The following SNRPN variants were observed in gnomAD, a reference collection of about 807,000 sequenced individuals.
SNRPN encodes the protein small nuclear ribonucleoprotein polypeptide N, also known as small nuclear ribonucleoprotein-associated protein N.
In SNRPN, 7 loss-of-function variants were observed where a neutral mutation model predicts 25.2. The observed-to-expected ratio is 0.28, with a 90% CI of 0.16 to 0.52. The LOEUF is 0.52. Ranked by LOEUF, SNRPN falls within the 20% of genes least tolerant of loss-of-function variation. The pLI, the probability that SNRPN is intolerant of heterozygous loss-of-function variation, is 0.96. For missense variants in SNRPN, 196 were observed against 322.5 expected (o/e 0.61, Z 3.00); for synonymous variants, 124 against 110.6 (o/e 1.12, Z -0.76).
At chr15:24,945,343 TAAAAAAAAAA>T (rs11422448) in intron 3 of SNRPN, among the ~76,000 whole-genome samples, 2 of 83,748 alleles carry the variant, frequency 2.4e-5, no homozygotes, top group Admixed American at 1.8e-4. Context: ...ACCCACCATG[TAAAAAAAAAA>T]AAAAAAAAAA....
chr15:24,892,445 T>C (rs1398965160), intron 2 of SNRPN, among the ~76,000 whole-genome samples: 1 of 151,026 alleles, frequency 6.6e-6, no homozygotes, highest in Non-Finnish European at 1.5e-5. Context: ...CTGGGGGAGA[T>C]ATTAAATTCC....
At chr15:24,914,317 C>A (rs143112021) in intron 2 of SNRPN, among the ~76,000 whole-genome samples, 3 of 152,174 alleles carry the variant, frequency 2.0e-5, no homozygotes, top group South Asian at 4.2e-4. Context: ...CTACAAAGAG[C>A]CAGGAAAAAG....
chr15:24,910,727 T>C (rs147013676), intron 2 of SNRPN: 19,176 of 228,966 alleles, frequency 0.084, 1,102 homozygotes, highest in South Asian at 0.14. Flanking sequence ...ACTCCTGACT[T>C]CGTGTTCCAC....
At chr15:24,847,304 C>A (rs1399056118) in intron 2 of SNRPN, among the ~76,000 whole-genome samples, 1 of 152,034 alleles carries the variant, frequency 6.6e-6, no homozygotes, top group Non-Finnish European at 1.5e-5. Context: ...GCCCAGGAAC[C>A]GGAAACTTAA....
At chr15:24,847,212 A>G (rs2052282830) in intron 2 of SNRPN, among the ~76,000 whole-genome samples, 1 of 152,148 alleles carries the variant, frequency 6.6e-6, no homozygotes, top group Non-Finnish European at 1.5e-5. Context: ...TGAGACTACT[A>G]TGCTCACAGC....
intron 2 of SNRPN, among the ~76,000 whole-genome samples, chr15:24,967,573 C>T (rs921420269): frequency 1.2e-4 from 18 of 151,246 alleles, no homozygotes; most frequent in Non-Finnish European, 1.9e-4. Context: ...ACCCAGGAGG[C>T]GGAGCTTGCA....
rs551021626 is a variant in SNRPN, at chr15:24,860,836, GC to G, written c.-579+4123del. On this transcript the variant is annotated intron_variant, in intron 1 of 11. Transcript: ENST00000400097. ...AAGTTGAATCATAGCAAGTGAGGAA[GC>G]CCATATATTATAAAATGTAATAAGT... Among the ~76,000 whole-genome samples, 48 of 152,258 alleles carry G rather than the reference GC, an allele frequency of 3.2e-4. 1 individual carries two copies. Among genetic ancestry groups the G allele is most frequent in the Admixed American group, 1.0e-3 (16 of 15,290 alleles).
chr15:24,870,534 GTTAAC>G (rs2054995347), intron 1 of SNRPN, among the ~76,000 whole-genome samples: 1 of 152,224 alleles, frequency 6.6e-6, no homozygotes, highest in African/African-American at 2.4e-5. Context: ...AGTTGGCCTT[GTTAAC>G]TTAATCACCA....
intron 3 of SNRPN, among the ~76,000 whole-genome samples, chr15:24,925,934 C>T (rs2060349944): frequency 2.0e-5 from 3 of 152,128 alleles, no homozygotes; most frequent in Admixed American, 2.0e-4. Context: ...TGGAGTTTCA[C>T]TGTGTTAGGC....
chr15:24,946,452 C>T (rs1159715243), intron 3 of SNRPN, among the ~76,000 whole-genome samples: 2 of 151,550 alleles, frequency 1.3e-5, no homozygotes, highest in Admixed American at 6.6e-5. Flanking sequence ...GTAACTCACA[C>T]GGTTTTTTTG....
chr15:24,967,952 G>T lies in SNRPN; in HGVS notation c.-274G>T, dbSNP rs142583293. 1.1e-5 allele frequency: 18 copies of T among 1,613,824 alleles called. 1 individual carries two copies. The South Asian group carries it at 1.3e-4, about 12-fold the overall frequency. The stretch of plus-strand genomic sequence containing the variant: ...TGTAGGTGTCAGTTGTACCCGAGGC[G>T]TTCTCAGCAGCAGCAAGTACCTGTG... On this transcript the variant is annotated 5_prime_UTR_variant, in exon 3 of 10. Transcript: ENST00000390687.
At chr15:24,925,887 A>G (rs2060346820) in intron 3 of SNRPN, among the ~76,000 whole-genome samples, 1 of 152,060 alleles carries the variant, frequency 6.6e-6, no homozygotes, top group African/African-American at 2.4e-5. Context: ...AGCGCCCGCA[A>G]CCACACCCGG....
At chr15:24,919,095 A>G (rs1196167531) in intron 2 of SNRPN, among the ~76,000 whole-genome samples, 2 of 149,236 alleles carry the variant, frequency 1.3e-5, no homozygotes, top group East Asian at 2.0e-4. Context: ...GCATATATAT[A>G]TAACATAGCC....
Position 24,931,683 on chromosome 15 carries a change from C to A in SNRPN, c.-391+11559C>A, listed in dbSNP as rs2060867468. Among the ~76,000 whole-genome samples the A allele has an allele frequency of 2.6e-5, 4 of 151,520 alleles. No individual in the cohort carries two copies. In the South Asian group the frequency reaches 6.3e-4, roughly 24 times the overall value. The stretch of plus-strand genomic sequence containing the variant: ...GTGAAACACTGTCTCTACAAAAATA[C>A]AAAAATTAGCAGGGAATGGTGGCAC... On this transcript the variant is annotated intron_variant, in intron 3 of 11. Coordinates refer to the SNRPN transcript ENST00000400097.
At chr15:24,835,926 A>G (rs554485713) in intron 2 of SNRPN, among the ~76,000 whole-genome samples, 10 of 151,942 alleles carry the variant, frequency 6.6e-5, no homozygotes, top group African/African-American at 2.4e-4. Context: ...CGGCCTCCCA[A>G]AGGGATCAGT....
At chr15:24,973,714 T>G (rs1400182662) in intron 3 of SNRPN, among the ~76,000 whole-genome samples, 1 of 152,226 alleles carries the variant, frequency 6.6e-6, no homozygotes, top group Non-Finnish European at 1.5e-5. Flanking sequence ...ACGTGATTTA[T>G]AACTTTGTCC....
In SNRPN at chr15:24,916,599, G is replaced by A. The variant is rs193122213; in HGVS notation, c.-504-3412G>A. On this transcript the variant is annotated intron_variant, in intron 2 of 11. Coordinates refer to the SNRPN transcript ENST00000400097. ...AAAAATACATATACATACATACATT[G>A]GTGTTTGTTTCTACATATGCTTCAT... Among the ~76,000 whole-genome samples, 12 of 152,216 alleles carry A rather than the reference G, an allele frequency of 7.9e-5. No homozygotes were observed. In the East Asian group the frequency reaches 1.9e-3, roughly 24 times the overall value.
At chr15:24,868,291 T>C (rs1205957237) in intron 1 of SNRPN, among the ~76,000 whole-genome samples, 1 of 152,110 alleles carries the variant, frequency 6.6e-6, no homozygotes, top group Non-Finnish European at 1.5e-5. Flanking sequence ...GAAAGGGAGT[T>C]TGAATTAACT....
At chr15:24,913,345 C>G (rs868683060) in intron 2 of SNRPN, among the ~76,000 whole-genome samples, 79 of 151,972 alleles carry the variant, frequency 5.2e-4, no homozygotes, top group Non-Finnish European at 1.0e-3. Context: ...CATGCCCACT[C>G]AAGAAAGAGT....
Sources: gnomAD v4.1 joint callset for allele counts (sites outside exome capture counted in the v4.1 genomes callset) on GRCh38, gnomAD v4.1.1 for gene constraint, MANE v1.5 for transcripts, NCBI Gene and HGNC (gene_info 2026-07-23, HGNC 2026-07-21) for gene names.